ADPGK: variants seen among roughly 807,000 people sequenced by gnomAD.
ADPGK encodes the protein ADP dependent glucokinase, also known as ADP-dependent glucokinase.
Under a neutral mutation model 42.4 loss-of-function variants are expected in ADPGK, and 26 were observed. The observed-to-expected ratio is 0.61, with a 90% CI of 0.45 to 0.85. The LOEUF (loss-of-function observed/expected upper bound fraction) is 0.85, where lower values mean the gene tolerates loss of function less well. Ranked by LOEUF, ADPGK falls within the 40% of genes least tolerant of loss-of-function variation. The pLI, the probability that ADPGK is intolerant of heterozygous loss-of-function variation, is 0.00. For missense variants in ADPGK, 571 were observed against 627.0 expected (o/e 0.91, Z 0.95); for synonymous variants, 267 against 252.6 (o/e 1.06, Z -0.54).
At chr15:72,770,508 G>T (rs1416973789) in intron 3 of ADPGK, among the ~76,000 whole-genome samples, 1 of 152,148 alleles carries the variant, frequency 6.6e-6, no homozygotes, top group Non-Finnish European at 1.5e-5. Flanking sequence ...GATTCTGATG[G>T]GAATGGCCTG....
rs749692313 is a variant in ADPGK at position 72,755,664 on chromosome 15, G to C, written c.841-10C>G. ...AAATGGAGGTTACAACCTGCAAAGA[G>C]AAGAAGATAAGCACTGCCATTAGAA... On this transcript the variant is annotated splice_polypyrimidine_tract_variant and intron_variant, in intron 5 of 6. Coordinates refer to ENST00000456471, the MANE Select transcript of ADPGK (RefSeq NM_001365225.1). 1 of 1,592,784 alleles carries C rather than the reference G, an allele frequency of 6.3e-7. No homozygotes were observed. Among genetic ancestry groups the C allele is most frequent in the Non-Finnish European group, 8.6e-7 (1 of 1,161,162 alleles).
intron 1 of ADPGK, chr15:72,782,693 T>C (rs2066478969): frequency 6.6e-6 from 1 of 152,168 alleles, no homozygotes; most frequent in Admixed American, 6.5e-5. Flanking sequence ...AGTAGTGAGC[T>C]ACATGGTAGA....
chr15:72,780,153 C>T (rs535135134), intron 1 of ADPGK, among the ~76,000 whole-genome samples: 5 of 152,150 alleles, frequency 3.3e-5, no homozygotes, highest in East Asian at 1.9e-4. Flanking sequence ...ATGAATTGCC[C>T]GGGACTGGGT....
intron 1 of ADPGK, among the ~76,000 whole-genome samples, chr15:72,782,095 A>C (rs1009711103): frequency 6.6e-6 from 1 of 152,256 alleles, no homozygotes; most frequent in African/African-American, 2.4e-5. Context: ...ATTCTGTTCT[A>C]GCAGCCCAAA....
In ADPGK at chr15:72,783,603, G is replaced by A. The variant is rs1207658244; in HGVS notation, c.89C>T (p.Ser30Leu). ...VFLLEPELPGSALRSLWSSLC... is the reference protein window; with the variant it reads ...VFLLEPELPGLALRSLWSSLC... Reference sequence around the variant, plus strand: ...CGAGCTCCAGAGAGAGCGCAGCGCCGAGCCTGGCAGCTCTGGCTCCAGCAG... The same window carrying A: ...CGAGCTCCAGAGAGAGCGCAGCGCCAAGCCTGGCAGCTCTGGCTCCAGCAG... The change falls in exon 1 of 7, where the codon TCG (serine) becomes TTG (leucine). Residue 30 changes from serine to leucine, a missense_variant. Coordinates refer to ENST00000456471, the MANE Select transcript of ADPGK (RefSeq NM_001365225.1). The A allele has an allele frequency of 1.6e-5, 24 of 1,516,232 alleles. No individual in the cohort carries two copies. Among genetic ancestry groups the A allele is most frequent in the Non-Finnish European group, 2.1e-5 (24 of 1,140,226 alleles). The allele number at this position is 1,516,232 out of a possible 1,614,324, so 93.9% of individuals were successfully genotyped here.
chr15:72,776,981 A>G (rs1251713171), intron 1 of ADPGK, among the ~76,000 whole-genome samples: 1 of 152,226 alleles, frequency 6.6e-6, no homozygotes, highest in Non-Finnish European at 1.5e-5. Flanking sequence ...TCTAGTAAAG[A>G]AACACTGAAA....
In ADPGK at chr15:72,751,683, A is replaced by G. The variant is rs974642333; in HGVS notation, c.*658T>C. ...CCTTTCACCAGCCAGCCTATAACCT[A>G]TGGAGCCAGGACAGGAAAGCATGAT... On this transcript the variant is annotated 3_prime_UTR_variant, in exon 7 of 7. Transcript: ENST00000456471. 1.3e-5 allele frequency: 2 copies of G among 152,724 alleles called. No individual in the cohort carries two copies. Among genetic ancestry groups the G allele is most frequent in the African/African-American group, 4.8e-5 (2 of 41,454 alleles). 9.5% of individuals were successfully genotyped at this position (152,724 alleles called of 1,614,324 possible).
intron 1 of ADPGK, among the ~76,000 whole-genome samples, chr15:72,778,581 G>T (rs1203681966): frequency 1.3e-5 from 2 of 152,134 alleles, no homozygotes; most frequent in Admixed American, 6.5e-5. Context: ...CAAGACAACA[G>T]ATGCTGAATG....
At position 72,783,478 on chromosome 15, in the gene ADPGK, A is replaced by T; in HGVS notation, c.214T>A (p.Trp72Arg). 6 of 1,395,878 alleles carry T rather than the reference A, an allele frequency of 4.3e-6. No homozygotes were observed. The highest frequency in any genetic ancestry group is 5.5e-6 in the Non-Finnish European group (6 of 1,081,660). The allele number at this position is 1,395,878 out of a possible 1,614,324, so 86.5% of individuals were successfully genotyped here. A position where few individuals can be genotyped will look rare whatever the true frequency, so the allele number is the denominator to read the frequency against. ...ACTCACCCCACTGCCACGCGGCGCC[A>T]GCGCCGGACTGGCCGCACGATAAGC... ...DALIVRPVRR[W>R]RRVAVGVNAC... Residue 72 changes from tryptophan (W) to arginine (R), a missense_variant, in exon 1 of 7, where the codon TGG becomes AGG. Physicochemically the swap from Trp to Arg is moderately radical, Grantham distance 101 (BLOSUM62 -3). Around this residue, in one of 2 missense-constraint regions of ADPGK, gnomAD observed 137 missense variants for 104.2 expected, o/e 1.31. Coordinates refer to ENST00000456471, the MANE Select transcript of ADPGK (RefSeq NM_001365225.1).
chr15:72,783,501 A>G lies in ADPGK; in HGVS notation c.191T>C (p.Leu64Pro). The G allele has an allele frequency of 6.9e-7, 1 of 1,457,434 alleles. No individual in the cohort carries two copies. The highest frequency in any genetic ancestry group is 9.0e-7 in the Non-Finnish European group (1 of 1,112,094). The allele number at this position is 1,457,434 out of a possible 1,614,324, so 90.3% of individuals were successfully genotyped here. ...CCAGCGCCGGACTGGCCGCACGATAAGCGCGTCCCAGGCTGCCGCCAACCG... is the reference window on the plus strand; with the variant it reads ...CCAGCGCCGGACTGGCCGCACGATAGGCGCGTCCCAGGCTGCCGCCAACCG... Reference protein sequence around the residue: ...EGRLAAAWDALIVRPVRRWRR... With the variant: ...EGRLAAAWDAPIVRPVRRWRR... Residue 64 changes from leucine (L) to proline (P), a missense_variant, in exon 1 of 7, where the codon CTT becomes CCT. Leu to Pro is a moderately conservative substitution (Grantham distance 98). Around this residue, in one of 2 missense-constraint regions of ADPGK, gnomAD observed 137 missense variants for 104.2 expected, o/e 1.31. Coordinates refer to ENST00000456471, the MANE Select transcript of ADPGK (RefSeq NM_001365225.1).
At chr15:72,783,176 G>C in intron 1 of ADPGK, 1 of 1,187,816 alleles carries the variant, frequency 8.4e-7, no homozygotes. Context: ...AAGTTGGAAC[G>C]AGGAAGAAGG....
At chr15:72,753,537 G>A (rs894047194) in intron 6 of ADPGK, among the ~76,000 whole-genome samples, 1 of 152,160 alleles carries the variant, frequency 6.6e-6, no homozygotes, top group African/African-American at 2.4e-5. Flanking sequence ...TCCCTCCTTA[G>A]AACCAGAGAA....
intron 3 of ADPGK, among the ~76,000 whole-genome samples, chr15:72,769,583 G>C (rs1462137040): frequency 6.6e-6 from 1 of 152,188 alleles, no homozygotes; most frequent in African/African-American, 2.4e-5. Context: ...CTGACCTCAG[G>C]TAATCCGCCT....
intron 3 of ADPGK, 78 bp downstream of exon 3, chr15:72,771,705 A>C: frequency 1.0e-5 from 14 of 1,337,064 alleles, no homozygotes; most frequent in Non-Finnish European, 1.3e-5. Context: ...GAATCAAGGA[A>C]TAGATACTCA....
Position 72,752,418 on chromosome 15 carries a change from G to A in ADPGK, c.1417C>T (p.Pro473Ser). 6.2e-7 allele frequency: 1 copy of A among 1,614,174 alleles called. No homozygotes were observed. The highest frequency in any genetic ancestry group is 8.5e-7 in the Non-Finnish European group (1 of 1,180,048). Residue 473 changes from proline to serine, a missense_variant, in exon 7 of 7, where the codon CCC (proline) becomes TCC (serine). Transcript: ENST00000456471. Reference protein sequence around the residue: ...HFTPVLVCKDPIRTVGLGDAI... With the variant: ...HFTPVLVCKDSIRTVGLGDAI... ...TCTCCAAGGCCTACAGTTCGAATGG[G>A]GTCTTTACACACCAATACTGGTGTG...
intron 1 of ADPGK, among the ~76,000 whole-genome samples, chr15:72,777,982 C>T (rs2066410287): frequency 1.3e-5 from 2 of 152,060 alleles, no homozygotes; most frequent in Admixed American, 1.3e-4. Context: ...AGCACGGTGG[C>T]TCACACTTGT....
chr15:72,769,277 A>G (rs2066299883), intron 3 of ADPGK, among the ~76,000 whole-genome samples: 2 of 152,268 alleles, frequency 1.3e-5, no homozygotes, highest in African/African-American at 4.8e-5. Flanking sequence ...CAATAACCTC[A>G]GTAAATGCAG....
At chr15:72,774,720 A>C (rs2066369258) in intron 2 of ADPGK, 152 bp downstream of exon 2, 3 of 636,386 alleles carry the variant, frequency 4.7e-6, no homozygotes, top group Non-Finnish European at 8.1e-6. Context: ...AAGTCTGAGA[A>C]CCATCAACCT....
At chr15:72,767,441 C>G (rs926773831) in intron 3 of ADPGK, among the ~76,000 whole-genome samples, 1 of 150,910 alleles carries the variant, frequency 6.6e-6, no homozygotes, top group African/African-American at 2.4e-5. Context: ...CAATCAACTT[C>G]ATCTAATTGA....
Sources: gnomAD v4.1 joint callset for allele counts (sites outside exome capture counted in the v4.1 genomes callset) on GRCh38, gnomAD v4.1.1 for gene constraint, gnomAD v4.1.1 regional missense constraint, MANE v1.5 for transcripts, NCBI Gene and HGNC (gene_info 2026-07-23, HGNC 2026-07-21) for gene names.